Variants in PCDHGA1 observed in about 807,000 individuals in gnomAD.
PCDHGA1 encodes the protein protocadherin gamma subfamily A, 1.
A neutral mutation model predicts 58.0 loss-of-function variants in PCDHGA1; 32 were observed. That is an observed-to-expected ratio of 0.55 (90% confidence interval 0.42 to 0.74). The LOEUF (loss-of-function observed/expected upper bound fraction) is 0.74, where lower values mean the gene tolerates loss of function less well. Among genes scored for constraint, PCDHGA1 ranks in the 30% least tolerant of loss-of-function variants. The pLI is 0.00. For missense variants in PCDHGA1, 1,205 were observed against 1,182.3 expected, an observed-to-expected ratio of 1.02 and a Z score of -0.28; for synonymous variants, 498 against 501.1, an observed-to-expected ratio of 0.99 and a Z score of 0.08.
chr5:141,393,896 T>C lies in PCDHGA1; in HGVS notation c.2421+60791T>C, dbSNP rs754023896. 3.1e-6 allele frequency: 5 copies of C among 1,613,942 alleles called. No homozygotes were observed. In the East Asian group the frequency reaches 1.1e-4, roughly 36 times the overall value. On this transcript the variant is annotated intron_variant, in intron 1 of 3. Coordinates refer to ENST00000517417, the MANE Select transcript of PCDHGA1 (RefSeq NM_018912.3). Reference sequence around the variant, plus strand: ...TTAGCCCAGTGTTAGAAAATTCTCTTCCCGGGACAGTAATTGCCTTCTTGA... The same window carrying C: ...TTAGCCCAGTGTTAGAAAATTCTCTCCCCGGGACAGTAATTGCCTTCTTGA...
intron 1 of PCDHGA1, chr5:141,404,131 A>G (rs756505012): frequency 1.2e-6 from 2 of 1,613,162 alleles, no homozygotes; most frequent in South Asian, 2.2e-5. Context: ...TATCTTTTAC[A>G]TTAGAAAATT....
intron 1 of PCDHGA1, chr5:141,344,335 T>C: frequency 6.2e-7 from 1 of 1,613,982 alleles, no homozygotes; most frequent in South Asian, 1.1e-5. Context: ...CAGATCCCGC[T>C]GTGTCTGGTA....
chr5:141,391,821 T>G (rs2092426299), intron 1 of PCDHGA1: 1 of 152,220 alleles, frequency 6.6e-6, no homozygotes, highest in African/African-American at 2.4e-5. Flanking sequence ...GTAGGTAAAG[T>G]TAATTTTAGA....
intron 1 of PCDHGA1, chr5:141,430,576 T>G (rs767759432): frequency 3.3e-5 from 15 of 459,492 alleles, no homozygotes; most frequent in Non-Finnish European, 5.5e-5. Flanking sequence ...AAAGCGGAGA[T>G]CCTGCTCGCC....
Position 141,360,422 on chromosome 5 carries a change from G to A in PCDHGA1, c.2421+27317G>A, listed in dbSNP as rs1042149116. The stretch of plus-strand genomic sequence containing the variant: ...GACAGAATAGACCGAGAACAGATAT[G>A]CGGGAAGCAGCCTCTGTGTGTTCTG... On this transcript the variant is annotated intron_variant, in intron 1 of 3. Coordinates refer to ENST00000517417, the MANE Select transcript of PCDHGA1 (RefSeq NM_018912.3). The A allele has an allele frequency of 1.1e-5, 17 of 1,613,872 alleles. No individual in the cohort carries two copies. The highest frequency in any genetic ancestry group is 1.4e-5 in the Non-Finnish European group (17 of 1,179,902).
intron 1 of PCDHGA1, among the ~76,000 whole-genome samples, chr5:141,454,657 C>T (rs554561906): frequency 5.1e-4 from 77 of 152,192 alleles, no homozygotes; most frequent in African/African-American, 1.7e-3. Flanking sequence ...CTGCCCACCT[C>T]GGCCTCCCAA....
At chr5:141,498,089 A>G (rs1402239680) in intron 2 of PCDHGA1, among the ~76,000 whole-genome samples, 3 of 152,370 alleles carry the variant, frequency 2.0e-5, no homozygotes, top group South Asian at 2.1e-4. Context: ...GTAGAATTGT[A>G]TCTGGTGGTG....
chr5:141,385,241 G>A lies in PCDHGA1; in HGVS notation c.2421+52136G>A, dbSNP rs749708848. ...CCCAACTATGTAGACATGCTCATCA[G>A]CCAGGAGAGCTGTGAGAAAAATGAT... On this transcript the variant is annotated intron_variant, in intron 1 of 3. Transcript: ENST00000517417. 9 of 1,613,904 alleles carry A rather than the reference G, an allele frequency of 5.6e-6. No homozygotes were observed. The Admixed American group carries it at 1.5e-4, about 27-fold the overall frequency.
intron 1 of PCDHGA1, chr5:141,373,873 G>C: frequency 2.1e-6 from 1 of 480,742 alleles, no homozygotes; most frequent in Admixed American, 3.9e-5. Context: ...ACCTGGGCAA[G>C]AAAATCAACG....
At chr5:141,376,666 TG>T in intron 1 of PCDHGA1, 2 of 712,058 alleles carry the variant, frequency 2.8e-6, no homozygotes, top group East Asian at 6.0e-5. Context: ...CTTGTTCAGG[TG>T]AGGGTATCGT....
chr5:141,363,649 G>T (rs1045125812), intron 1 of PCDHGA1, among the ~76,000 whole-genome samples: 1 of 152,184 alleles, frequency 6.6e-6, no homozygotes, highest in East Asian at 1.9e-4. Flanking sequence ...AAGTAACAAA[G>T]ATCTTTATTT....
At chr5:141,443,126 A>G (rs972396091) in intron 1 of PCDHGA1, among the ~76,000 whole-genome samples, 1 of 152,190 alleles carries the variant, frequency 6.6e-6, no homozygotes, top group Non-Finnish European at 1.5e-5. Context: ...AACCAGATTA[A>G]GAACACTATC....
intron 1 of PCDHGA1, chr5:141,468,330 C>CAAAAAAAAAAAAAAAAGAAAAAAAAAAA (rs2099163578): frequency 1.3e-5 from 1 of 79,888 alleles, no homozygotes; most frequent in African/African-American, 3.9e-5. Flanking sequence ...AACTCCATCT[C>CAAAAAAAAAAAAAAAAGAAAAAAAAAAA]AAAAAAAAAA....
intron 1 of PCDHGA1, chr5:141,427,842 C>T: frequency 6.5e-7 from 1 of 1,549,268 alleles, no homozygotes. Flanking sequence ...TGCCTTCGAC[C>T]ACGAGCAGCT....
Position 141,511,253 on chromosome 5 carries a change from A to G in PCDHGA1, c.*80A>G. The G allele has an allele frequency of 1.3e-6, 2 of 1,568,402 alleles. No homozygotes were observed. The highest frequency in any genetic ancestry group is 1.7e-6 in the Non-Finnish European group (2 of 1,157,066). On this transcript the variant is annotated 3_prime_UTR_variant, in exon 4 of 4. Coordinates refer to ENST00000517417, the MANE Select transcript of PCDHGA1 (RefSeq NM_018912.3). ...CTCCTTACCTGCACCCAGGCCTCAG[A>G]GTTTCAGGGCTAACCCCCAGAATAC...
intron 1 of PCDHGA1, among the ~76,000 whole-genome samples, chr5:141,454,795 A>G (rs79012896): frequency 9.1e-6 from 1 of 110,272 alleles, no homozygotes; most frequent in South Asian, 3.0e-4. Flanking sequence ...CCATGGTTCT[A>G]ATTTTTTTTT....
At chr5:141,375,331 C>A (rs755265511) in intron 1 of PCDHGA1, 1 of 1,613,806 alleles carries the variant, frequency 6.2e-7, no homozygotes, top group East Asian at 2.2e-5. Flanking sequence ...AAGAGGTATT[C>A]TTGTACAACA....
chr5:141,434,795 T>C (rs1027924206), intron 1 of PCDHGA1, among the ~76,000 whole-genome samples: 2 of 152,004 alleles, frequency 1.3e-5, no homozygotes, highest in African/African-American at 2.4e-5. Context: ...TTTTTTTTTC[T>C]GAGCTTGGAG....
chr5:141,375,476 A>G, intron 1 of PCDHGA1: 1 of 1,613,926 alleles, frequency 6.2e-7, no homozygotes, highest in Non-Finnish European at 8.5e-7. Context: ...CCTTGAAAAC[A>G]ACCCCAGGGG....
Sources: gnomAD v4.1 joint callset for allele counts (sites outside exome capture counted in the v4.1 genomes callset) on GRCh38, gnomAD v4.1.1 for gene constraint, MANE v1.5 for transcripts, NCBI Gene and HGNC (gene_info 2026-07-23, HGNC 2026-07-21) for gene names.